Variants in IL1RAP observed in about 807,000 individuals in gnomAD.
IL1RAP encodes the protein interleukin-1 receptor accessory protein.
A neutral mutation model predicts 60.7 loss-of-function variants in IL1RAP; 35 were observed. The ratio of observed to expected loss-of-function variants is 0.58; its 90% CI spans 0.44 to 0.76. The LOEUF is 0.76. Among genes scored for constraint, IL1RAP ranks in the 30% least tolerant of loss-of-function variants. IL1RAP has a pLI of 0.00. For missense variants in IL1RAP, 572 were observed against 693.9 expected (o/e 0.82, Z 1.97); for synonymous variants, 268 against 250.9 (o/e 1.07, Z -0.64).
At chr3:190,618,270 T>C (rs1309433572) in intron 5 of IL1RAP, among the ~76,000 whole-genome samples, 1 of 152,238 alleles carries the variant, frequency 6.6e-6, no homozygotes, top group Non-Finnish European at 1.5e-5. Context: ...TTCTAGGCCT[T>C]GTTCATTCAT....
At chr3:190,626,735 G>GTC (rs1421414196) in intron 7 of IL1RAP, among the ~76,000 whole-genome samples, 3 of 139,742 alleles carry the variant, frequency 2.1e-5, no homozygotes, top group Admixed American at 7.9e-5. Flanking sequence ...CAGTGGCACA[G>GTC]TCTTGGCTCA....
At chr3:190,569,402 G>A (rs548363171) in intron 3 of IL1RAP, among the ~76,000 whole-genome samples, 5 of 152,220 alleles carry the variant, frequency 3.3e-5, no homozygotes, top group African/African-American at 1.2e-4. Context: ...ATTGTGTCCT[G>A]TCCCAGTTGC....
intron 9 of IL1RAP, among the ~76,000 whole-genome samples, chr3:190,643,399 G>A (rs1279969369): frequency 6.6e-6 from 1 of 152,130 alleles, no homozygotes; most frequent in East Asian, 1.9e-4. Context: ...GAGAAAGGAA[G>A]GAAGGTGGTT....
rs1734231450 is a variant in IL1RAP, at chr3:190,648,933, T to G, written c.*228T>G. On this transcript the variant is annotated 3_prime_UTR_variant, in exon 12 of 12. Coordinates refer to ENST00000447382, the MANE Select transcript of IL1RAP (RefSeq NM_002182.4). Reference sequence around the variant, plus strand: ...GTCACCAGTCTCTGATGCCACTATGTTCTTTGCAGGCAAAGACTTGTTCAA... The same window carrying G: ...GTCACCAGTCTCTGATGCCACTATGGTCTTTGCAGGCAAAGACTTGTTCAA... 4 of 1,303,480 alleles carry G rather than the reference T, an allele frequency of 3.1e-6. No homozygotes were observed. In the South Asian group the frequency reaches 8.6e-5, roughly 28 times the overall value. The allele number at this position is 1,303,480 out of a possible 1,614,324, so 80.7% of individuals were successfully genotyped here. A position where few individuals can be genotyped will look rare whatever the true frequency, so the allele number is the denominator to read the frequency against.
downstream of IL1RAP, among the ~76,000 whole-genome samples, chr3:190,655,617 A>T (rs1217590818): frequency 2.0e-5 from 3 of 147,000 alleles, no homozygotes; most frequent in African/African-American, 5.2e-5. Flanking sequence ...TTTAAGAAAG[A>T]CTTATTGAAG....
chr3:190,573,105 CGCCCG>C (rs1727132925), intron 3 of IL1RAP, among the ~76,000 whole-genome samples: 5 of 52,088 alleles, frequency 9.6e-5, no homozygotes, highest in Non-Finnish European at 1.9e-4. Context: ...CCTCGTGATC[CGCCCG>C]CCTCGGCCTC....
chr3:190,647,359 T>C (rs936114261), intron 11 of IL1RAP, among the ~76,000 whole-genome samples: 1 of 152,210 alleles, frequency 6.6e-6, no homozygotes, highest in Non-Finnish European at 1.5e-5. Context: ...GTTTCCACAA[T>C]TCTAGTAAGT....
chr3:190,643,211 CG>C (rs1560240315), intron 9 of IL1RAP, among the ~76,000 whole-genome samples: 4 of 152,094 alleles, frequency 2.6e-5, no homozygotes, highest in African/African-American at 9.6e-5. Context: ...AATTTCTACA[CG>C]GGAGAGCCAG....
intron 5 of IL1RAP, among the ~76,000 whole-genome samples, chr3:190,619,988 A>G (rs974357919): frequency 1.3e-5 from 2 of 152,158 alleles, no homozygotes; most frequent in African/African-American, 4.8e-5. Flanking sequence ...TTGCTTTACT[A>G]TCAACATAGG....
chr3:190,562,693 TCCACAC>T (rs1725999635), intron 2 of IL1RAP, among the ~76,000 whole-genome samples: 1 of 68,016 alleles, frequency 1.5e-5, no homozygotes, highest in Admixed American at 2.0e-4. Flanking sequence ...ACATATCTCG[TCCACAC>T]ACACACACAC....
intron 1 of IL1RAP, among the ~76,000 whole-genome samples, chr3:190,549,114 CA>C (rs1311990886): frequency 6.6e-6 from 1 of 151,920 alleles, no homozygotes; most frequent in Non-Finnish European, 1.5e-5. Context: ...AAAAGGGAAA[CA>C]GGGACTCTCA....
intron 1 of IL1RAP, among the ~76,000 whole-genome samples, chr3:190,514,550 G>A (rs1353989939): frequency 9.5e-4 from 17 of 17,806 alleles, no homozygotes; most frequent in East Asian, 3.2e-3. Context: ...ACCACCCCCC[G>A]CCCCCATCTC....
intron 9 of IL1RAP, among the ~76,000 whole-genome samples, chr3:190,630,457 A>G (rs1029771641): frequency 1.3e-5 from 2 of 152,194 alleles, no homozygotes; most frequent in Non-Finnish European, 2.9e-5. Flanking sequence ...TAGAGTGTGT[A>G]ATATTTCTTC....
rs1250135502 is a variant in IL1RAP at position 190,650,102 on chromosome 3, A to G, written c.*1397A>G. On this transcript the variant is annotated 3_prime_UTR_variant, in exon 12 of 12. Transcript: ENST00000447382. The stretch of plus-strand genomic sequence containing the variant: ...AATTTGTGTGTGTGTATGTGTATGT[A>G]TATGACTTTAAATAGCTATGGGTAC... 3.3e-6 allele frequency: 3 copies of G among 920,308 alleles called. No homozygotes were observed. The highest frequency in any genetic ancestry group is 1.8e-5 in the African/African-American group (1 of 55,612). The allele number at this position is 920,308 out of a possible 1,614,324, so 57.0% of individuals were successfully genotyped here.
chr3:190,639,771 T>C (rs1292071427), intron 9 of IL1RAP, among the ~76,000 whole-genome samples: 1 of 152,358 alleles, frequency 6.6e-6, no homozygotes, highest in South Asian at 2.1e-4. Flanking sequence ...GCATAACTGC[T>C]TGCTTTTAAA....
rs544688168 is a variant in IL1RAP at position 190,613,658 on chromosome 3, C to A, written c.537+4477C>A. On this transcript the variant is annotated intron_variant, in intron 5 of 11. Transcript: ENST00000447382. ...AACAACATGGCCAATATGGTGAAAC[C>A]CCCATCTCTACTAAAAATACAAAAA... Among the ~76,000 whole-genome samples the A allele has an allele frequency of 2.0e-5, 3 of 151,958 alleles. No homozygotes were observed. In the East Asian group the frequency reaches 5.8e-4, roughly 29 times the overall value.
chr3:190,564,590 C>T (rs993701281), intron 3 of IL1RAP: 1 of 495,996 alleles, frequency 2.0e-6, no homozygotes, highest in Non-Finnish European at 3.7e-6. Flanking sequence ...TGTTTAAACA[C>T]AGGTATTTTT....
chr3:190,545,642 T>C (rs1356823939), intron 1 of IL1RAP, among the ~76,000 whole-genome samples: 1 of 152,170 alleles, frequency 6.6e-6, no homozygotes, highest in Non-Finnish European at 1.5e-5. Flanking sequence ...GAACATACAA[T>C]GGAAATATTA....
Position 190,609,007 on chromosome 3 carries a change from T to C in IL1RAP, c.363T>C (p.Tyr121=). The change falls in exon 5 of 12, where the codon TAT becomes TAC. Residue 121 remains tyrosine, a synonymous_variant. Coordinates refer to ENST00000447382, the MANE Select transcript of IL1RAP (RefSeq NM_002182.4). The stretch of plus-strand genomic sequence containing the variant: ...TTTCTTTTTTCAGGAACACTACATA[T>C]TGCAGCAAAGTTGCATTTCCCTTGG... ...NYTCMLRNTT[Y]CSKVAFPLEV... 1 of 1,612,904 alleles carries C rather than the reference T, an allele frequency of 6.2e-7. No homozygotes were observed.
Sources: allele counts gnomAD v4.1 joint callset (sites outside exome capture counted in the v4.1 genomes callset), GRCh38; gene constraint gnomAD v4.1.1; transcripts MANE v1.5; gene names NCBI Gene and HGNC (gene_info 2026-07-23, HGNC 2026-07-21).